RBFOX1: variants seen among roughly 807,000 people sequenced by gnomAD.
RBFOX1 encodes the protein RNA binding protein fox-1 homolog 1.
Under a neutral mutation model 57.7 loss-of-function variants are expected in RBFOX1, and 8 were observed. The ratio of observed to expected loss-of-function variants is 0.14; its 90% CI spans 0.08 to 0.25. The LOEUF (loss-of-function observed/expected upper bound fraction) is 0.25. Among genes scored for constraint, RBFOX1 ranks in the 10% least tolerant of loss-of-function variants. RBFOX1 has a pLI of 1.00. For synonymous variants in RBFOX1, 326 were observed against 222.4 expected (o/e 1.47, Z -4.15); for missense variants, 611 against 548.5 (o/e 1.11, Z -1.14).
chr16:7,585,210 A>T (rs375064655), intron 6 of RBFOX1, among the ~76,000 whole-genome samples: 1 of 152,106 alleles, frequency 6.6e-6, no homozygotes, highest in Non-Finnish European at 1.5e-5. Context: ...AGTTCACAAA[A>T]CTGGAGGTTT....
At position 6,512,283 on chromosome 16, in the gene RBFOX1, CA is replaced by C. The variant is rs565248640; in HGVS notation, c.-63-142304del. Among the ~76,000 whole-genome samples the C allele has an allele frequency of 1.4e-3, 119 of 86,950 alleles. 6 individuals carry two copies. Among genetic ancestry groups the C allele is most frequent in the Admixed American group, 3.3e-3 (23 of 6,888 alleles). 57.0% of individuals were successfully genotyped at this position (86,950 alleles called of 152,430 possible). A position where few individuals can be genotyped will look rare whatever the true frequency, so the allele number is the denominator to read the frequency against. ...TGGGTAACAGAGCAAGACCCTGTATCAAAAAAAAAAAAAAAAGGTAAGAGAA... is the reference window on the plus strand; with the variant it reads ...TGGGTAACAGAGCAAGACCCTGTATCAAAAAAAAAAAAAAAGGTAAGAGAA... On this transcript the variant is annotated intron_variant, in intron 2 of 15. Transcript: ENST00000550418.
intron 5 of RBFOX1, 35 bp from the exon 6 acceptor site, chr16:7,579,742 C>T (rs1282950054): frequency 6.2e-6 from 10 of 1,613,584 alleles, no homozygotes; most frequent in African/African-American, 2.7e-5. Flanking sequence ...CTGTGGTCCA[C>T]TGAGAACCTC....
intron 4 of RBFOX1, among the ~76,000 whole-genome samples, chr16:7,358,694 AC>A (rs1457228488): frequency 1.3e-5 from 2 of 152,222 alleles, no homozygotes; most frequent in African/African-American, 4.8e-5. Flanking sequence ...TGCTGGGATT[AC>A]AAGCGTGAAC....
intron 14 of RBFOX1, among the ~76,000 whole-genome samples, chr16:7,708,583 T>G (rs761618345): frequency 2.0e-5 from 3 of 152,232 alleles, no homozygotes; most frequent in Admixed American, 6.5e-5. Context: ...TCTAAGATGC[T>G]GGACACTAAC....
intron 3 of RBFOX1, among the ~76,000 whole-genome samples, chr16:6,917,607 C>A (rs544031463): frequency 6.6e-6 from 1 of 151,632 alleles, no homozygotes; most frequent in Non-Finnish European, 1.5e-5. Flanking sequence ...ACACCGGCTC[C>A]CTTCCTGCCT....
chr16:5,908,703 T>G (rs1352567327), intron 4 of RBFOX1, among the ~76,000 whole-genome samples: 2 of 152,090 alleles, frequency 1.3e-5, no homozygotes, highest in Non-Finnish European at 1.5e-5. Flanking sequence ...TAGTTTCAAT[T>G]CGATGCATAT....
At chr16:5,646,736 A>C (rs1175339127) in intron 3 of RBFOX1, among the ~76,000 whole-genome samples, 2 of 151,992 alleles carry the variant, frequency 1.3e-5, no homozygotes, top group Non-Finnish European at 2.9e-5. Flanking sequence ...CCAGGTTCAC[A>C]CCATTCTCCT....
intron 1 of RBFOX1, among the ~76,000 whole-genome samples, chr16:5,395,964 A>G (rs1432407383): frequency 2.6e-5 from 4 of 152,166 alleles, no homozygotes; most frequent in Non-Finnish European, 2.9e-5. Context: ...ATTTTTCCCC[A>G]TTTAAGCCTG....
chr16:6,560,393 G>A (rs1294633659), intron 2 of RBFOX1, among the ~76,000 whole-genome samples: 3 of 151,012 alleles, frequency 2.0e-5, no homozygotes, highest in African/African-American at 7.4e-5. Context: ...GGCCAGTGTG[G>A]GCCTTACTGT....
chr16:5,537,686 A>G (rs1006740592), intron 2 of RBFOX1, among the ~76,000 whole-genome samples: 1 of 152,246 alleles, frequency 6.6e-6, no homozygotes, highest in East Asian at 1.9e-4. Flanking sequence ...TTCAAAGCCA[A>G]TGATGGCTGG....
intron 3 of RBFOX1, among the ~76,000 whole-genome samples, chr16:6,779,319 T>G (rs995946602): frequency 6.6e-6 from 1 of 152,062 alleles, no homozygotes; most frequent in Non-Finnish European, 1.5e-5. Flanking sequence ...CCTCCAGTTG[T>G]GTCTATGCTG....
At chr16:7,195,004 T>C (rs2086338052) in intron 4 of RBFOX1, among the ~76,000 whole-genome samples, 2 of 151,516 alleles carry the variant, frequency 1.3e-5, no homozygotes, top group Admixed American at 1.3e-4. Flanking sequence ...GTTAATAAAA[T>C]TGATTGGTTC....
intron 3 of RBFOX1, among the ~76,000 whole-genome samples, chr16:5,657,602 C>G (rs117631645): frequency 2.9e-5 from 4 of 139,950 alleles, no homozygotes; most frequent in South Asian, 2.3e-4. Flanking sequence ...AATTCTTTCT[C>G]GCTCGCTTTC....
chr16:7,350,284 T>C (rs999032382), intron 4 of RBFOX1, among the ~76,000 whole-genome samples: 4 of 151,972 alleles, frequency 2.6e-5, no homozygotes, highest in Admixed American at 6.6e-5. Flanking sequence ...GAAAGAGGTC[T>C]AAGGGGAGGA....
chr16:6,300,898 GAA>G (rs1009202819), intron 1 of RBFOX1, among the ~76,000 whole-genome samples: 1 of 152,082 alleles, frequency 6.6e-6, no homozygotes, highest in African/African-American at 2.4e-5. Flanking sequence ...TTAGAAAATG[GAA>G]TGCCCCATTT....
chr16:6,764,950 TAAAAA>T (rs913715284), intron 3 of RBFOX1, among the ~76,000 whole-genome samples: 1 of 149,090 alleles, frequency 6.7e-6, no homozygotes, highest in Non-Finnish European at 1.5e-5. Context: ...AAGAAAGAAA[TAAAAA>T]AGAAAAGAGT....
intron 2 of RBFOX1, among the ~76,000 whole-genome samples, chr16:6,612,652 G>A (rs1438325360): frequency 1.3e-5 from 2 of 151,954 alleles, no homozygotes; most frequent in African/African-American, 4.8e-5. Flanking sequence ...AGGAGTTCAA[G>A]ATCAGCCTGG....
intron 3 of RBFOX1, among the ~76,000 whole-genome samples, chr16:5,698,099 GTAT>G (rs2050907295): frequency 6.6e-6 from 1 of 152,094 alleles, no homozygotes; most frequent in Admixed American, 6.5e-5. Context: ...TTATCATGAT[GTAT>G]TATTATTTTT....
intron 3 of RBFOX1, among the ~76,000 whole-genome samples, chr16:6,932,305 C>A (rs997431270): frequency 6.6e-6 from 1 of 152,060 alleles, no homozygotes; most frequent in South Asian, 2.1e-4. Context: ...CGGGGTTTCA[C>A]CCTGTTGGCC....
Sources: allele counts gnomAD v4.1 joint callset (sites outside exome capture counted in the v4.1 genomes callset), GRCh38; gene constraint gnomAD v4.1.1; transcripts MANE v1.5; gene names NCBI Gene and HGNC (gene_info 2026-07-23, HGNC 2026-07-21).